FOCAD: variants seen among roughly 807,000 people sequenced by gnomAD.
FOCAD encodes the protein KIAA1797.
A neutral mutation model predicts 225.6 loss-of-function variants in FOCAD; 198 were observed. The ratio of observed to expected loss-of-function variants is 0.88; its 90% CI spans 0.78 to 0.99. The LOEUF (loss-of-function observed/expected upper bound fraction) is 0.99. FOCAD is among the 50% of genes least tolerant of loss of function. The pLI is 0.00. For missense variants in FOCAD, 2,713 were observed against 2,123.6 expected (o/e 1.28, Z -5.46); for synonymous variants, 897 against 755.0 (o/e 1.19, Z -3.08).
At chr9:20,764,719 C>A in intron 6 of FOCAD, 150 bp from the exon 7 acceptor site, 1 of 654,592 alleles carries the variant, frequency 1.5e-6, no homozygotes, top group Non-Finnish European at 2.6e-6. Context: ...GTAGGCAGGT[C>A]ATAGCGGAAT....
At chr9:20,966,324 A>G (rs533549076) in intron 35 of FOCAD, among the ~76,000 whole-genome samples, 2 of 152,122 alleles carry the variant, frequency 1.3e-5, no homozygotes, top group East Asian at 3.9e-4. Flanking sequence ...AGCCATTTGT[A>G]TATCTTCTTG....
intron 15 of FOCAD, among the ~76,000 whole-genome samples, chr9:20,854,425 T>C (rs1433059906): frequency 4.0e-5 from 6 of 151,752 alleles, no homozygotes; most frequent in Non-Finnish European, 8.9e-5. Flanking sequence ...GTTACTAGTA[T>C]TATTTCCATT....
intron 15 of FOCAD, among the ~76,000 whole-genome samples, chr9:20,835,285 ATATT>A (rs1449288911): frequency 4.6e-5 from 7 of 152,044 alleles, no homozygotes; most frequent in Admixed American, 1.3e-4. Flanking sequence ...AATGTAGGTG[ATATT>A]TACTAATGGG....
intron 1 of FOCAD, among the ~76,000 whole-genome samples, chr9:20,701,756 G>A (rs1303735257): frequency 6.6e-6 from 1 of 152,188 alleles, no homozygotes; most frequent in East Asian, 1.9e-4. Context: ...TTTATGTTTT[G>A]TGCTCTGGGC....
chr9:20,866,607 G>A (rs1000753577), intron 17 of FOCAD, among the ~76,000 whole-genome samples: 5 of 151,870 alleles, frequency 3.3e-5, no homozygotes, highest in African/African-American at 9.7e-5. Context: ...TTTTAATTGG[G>A]CATATTCTCC....
rs770256951 is a variant in FOCAD, at chr9:20,789,514, T to A, written c.1361T>A (p.Leu454His). The A allele has an allele frequency of 3.1e-6, 5 of 1,614,028 alleles. No individual in the cohort carries two copies. The highest frequency in any genetic ancestry group is 4.2e-6 in the Non-Finnish European group (5 of 1,179,986). The change falls in exon 11 of 44, where the codon CTT becomes CAT. Residue 454 changes from leucine to histidine, a missense_variant. Leu to His is a moderately conservative substitution (Grantham distance 99). Coordinates refer to ENST00000338382, the MANE Select transcript of FOCAD (RefSeq NM_001375567.1). Reference sequence around the variant, plus strand: ...GCTGTGATCCCTGCGCCTGCCTTTCTTCTGCTGGCTCACCTCCTTGTTGAA... The same window carrying A: ...GCTGTGATCCCTGCGCCTGCCTTTCATCTGCTGGCTCACCTCCTTGTTGAA... ...ITAVIPAPAF[L>H]LLAHLLVEDK...
At chr9:20,841,266 G>A (rs894918127) in intron 15 of FOCAD, among the ~76,000 whole-genome samples, 8 of 151,812 alleles carry the variant, frequency 5.3e-5, no homozygotes, top group African/African-American at 1.9e-4. Flanking sequence ...GTACTTCTGT[G>A]TCCCCTATTT....
intron 22 of FOCAD, among the ~76,000 whole-genome samples, chr9:20,910,234 C>T (rs1833324208): frequency 6.6e-6 from 1 of 152,002 alleles, no homozygotes; most frequent in African/African-American, 2.4e-5. Context: ...TGGTTAGGAG[C>T]CGTCTGCAGT....
chr9:20,898,586 T>G (rs1832299530), intron 21 of FOCAD, among the ~76,000 whole-genome samples: 1 of 151,934 alleles, frequency 6.6e-6, no homozygotes. Flanking sequence ...ATTTTGGTTT[T>G]TATATCTCTC....
At chr9:20,677,814 C>T (rs1230481930) in intron 2 of FOCAD, among the ~76,000 whole-genome samples, 3 of 152,186 alleles carry the variant, frequency 2.0e-5, no homozygotes, top group Non-Finnish European at 2.9e-5. Context: ...ATATCTGATA[C>T]TGCAATCCCA....
intron 7 of FOCAD, among the ~76,000 whole-genome samples, chr9:20,769,010 C>T (rs183318021): frequency 2.0e-5 from 3 of 152,112 alleles, no homozygotes; most frequent in Non-Finnish European, 4.4e-5. Context: ...CATAAATGCA[C>T]TCAAGGAAAT....
At chr9:20,740,767 G>A (rs192457345) in intron 5 of FOCAD, among the ~76,000 whole-genome samples, 3 of 152,134 alleles carry the variant, frequency 2.0e-5, no homozygotes, top group African/African-American at 7.2e-5. Context: ...TTAGGCCAAG[G>A]TCAGTAGTTA....
chr9:20,695,457 C>CCGTAAACATGCTTTCATTTTTTCTTT (rs1823287810), intron 1 of FOCAD, among the ~76,000 whole-genome samples: 1 of 152,040 alleles, frequency 6.6e-6, no homozygotes, highest in South Asian at 2.1e-4. Context: ...TTTCTTAAGC[C>CCGTAAACATGCTTTCATTTTTTCTTT]CGTAAACATG....
intron 21 of FOCAD, among the ~76,000 whole-genome samples, chr9:20,903,116 TC>T (rs1832686878): frequency 6.6e-6 from 1 of 151,964 alleles, no homozygotes; most frequent in South Asian, 2.1e-4. Flanking sequence ...CTCAAACATT[TC>T]CCCATGCTCC....
upstream of FOCAD, among the ~76,000 whole-genome samples, chr9:20,682,728 G>A (rs1358829889): frequency 6.6e-6 from 1 of 152,176 alleles, no homozygotes; most frequent in African/African-American, 2.4e-5. Context: ...CTCCTTTGAA[G>A]CAAAGGATAA....
chr9:20,839,848 A>ATCC (rs1295145793), intron 15 of FOCAD, among the ~76,000 whole-genome samples: 9 of 151,970 alleles, frequency 5.9e-5, no homozygotes, highest in Non-Finnish European at 5.9e-5. Flanking sequence ...ATGCTAAGAG[A>ATCC]TAAGGGTCAA....
At chr9:20,685,034 T>G (rs1822576423) in intron 1 of FOCAD, among the ~76,000 whole-genome samples, 1 of 152,230 alleles carries the variant, frequency 6.6e-6, no homozygotes, top group African/African-American at 2.4e-5. Context: ...GCTTTTGAAA[T>G]GAATGAAATC....
chr9:20,916,200 G>T (rs1356560471), intron 23 of FOCAD, among the ~76,000 whole-genome samples: 2 of 152,060 alleles, frequency 1.3e-5, no homozygotes, highest in African/African-American at 4.8e-5. Flanking sequence ...TATTGAAAAT[G>T]ATCCTTTTAA....
intron 34 of FOCAD, chr9:20,952,593 C>A: frequency 4.5e-6 from 1 of 223,410 alleles, no homozygotes; most frequent in South Asian, 6.8e-5. Flanking sequence ...CCTGAAGTGG[C>A]ACCTACTACA....
Sources: gnomAD v4.1 joint callset for allele counts (sites outside exome capture counted in the v4.1 genomes callset) on GRCh38, gnomAD v4.1.1 for gene constraint, MANE v1.5 for transcripts, NCBI Gene and HGNC (gene_info 2026-07-23, HGNC 2026-07-21) for gene names.